Variants in TMOD2 observed in about 807,000 individuals in gnomAD.
TMOD2 encodes tropomodulin 2, also known as tropomodulin-2.
In TMOD2, 22 loss-of-function variants were observed where a neutral mutation model predicts 39.9. That is an observed-to-expected ratio of 0.55 (90% CI 0.39 to 0.79). The LOEUF (loss-of-function observed/expected upper bound fraction) is 0.79. Among genes scored for constraint, TMOD2 ranks in the 30% least tolerant of loss-of-function variants. TMOD2 has a pLI of 0.00. For missense variants in TMOD2, 386 were observed against 413.3 expected (o/e 0.93, Z 0.57); for synonymous variants, 123 against 146.1 (o/e 0.84, Z 1.14).
intron 7 of TMOD2, among the ~76,000 whole-genome samples, chr15:51,791,473 G>T (rs1595874635): frequency 6.6e-6 from 1 of 152,114 alleles, no homozygotes; most frequent in Non-Finnish European, 1.5e-5. Flanking sequence ...TCCAGCTACT[G>T]CTGACTTTCT....
chr15:51,795,275 A>G (rs1255480011), intron 7 of TMOD2, among the ~76,000 whole-genome samples: 1 of 151,972 alleles, frequency 6.6e-6, no homozygotes, highest in African/African-American at 2.4e-5. Context: ...ATATAAAAAA[A>G]ATTAGCCAGG....
At position 51,808,583 on chromosome 15, in the gene TMOD2, A is replaced by G; in HGVS notation, c.*129A>G. Reference sequence around the variant, plus strand: ...CGTTAACCACATAACTAATAATTTAATTGTTATTCTTTTTTAGCACTACTT... The same window carrying G: ...CGTTAACCACATAACTAATAATTTAGTTGTTATTCTTTTTTAGCACTACTT... On this transcript the variant is annotated 3_prime_UTR_variant, in exon 10 of 10. Transcript: ENST00000249700. 1 of 587,480 alleles carries G rather than the reference A, an allele frequency of 1.7e-6. No individual in the cohort carries two copies. Among genetic ancestry groups the G allele is most frequent in the Non-Finnish European group, 2.8e-6 (1 of 351,456 alleles). 36.4% of individuals were successfully genotyped at this position (587,480 alleles called of 1,614,324 possible). A position where few individuals can be genotyped will look rare whatever the true frequency, so the allele number is the denominator to read the frequency against.
intron 7 of TMOD2, among the ~76,000 whole-genome samples, chr15:51,789,933 C>T (rs566003580): frequency 3.3e-5 from 5 of 152,240 alleles, no homozygotes; most frequent in Non-Finnish European, 7.4e-5. Context: ...GACACCCTAA[C>T]ATCACAATTA....
intron 1 of TMOD2, among the ~76,000 whole-genome samples, chr15:51,762,502 C>T (rs956074943): frequency 5.9e-5 from 9 of 152,250 alleles, no homozygotes; most frequent in South Asian, 2.1e-4. Context: ...GAGCTGTTTT[C>T]GACTTCCACA....
At chr15:51,776,118 A>G (rs1271725797) in intron 4 of TMOD2, among the ~76,000 whole-genome samples, 3 of 152,114 alleles carry the variant, frequency 2.0e-5, no homozygotes, top group Admixed American at 6.5e-5. Context: ...AGCTCTGACC[A>G]TTTGCCCTTT....
rs2055895265 is a variant in TMOD2, at chr15:51,777,134, C to G, written c.493+116C>G. 3 of 858,106 alleles carry G rather than the reference C, an allele frequency of 3.5e-6. No homozygotes were observed. In the Admixed American group the frequency reaches 6.5e-5, roughly 19 times the overall value. 53.2% of individuals were successfully genotyped at this position (858,106 alleles called of 1,614,324 possible). ...ACACTCTGTCATTTTGCTAGGATCA[C>G]TTGGGCTTTGAGCAATCAAACCAGA... On this transcript the variant is annotated intron_variant, in intron 5 of 9. Coordinates refer to ENST00000249700, the MANE Select transcript of TMOD2 (RefSeq NM_014548.4).
chr15:51,755,917 C>G (rs2055738550), intron 1 of TMOD2, among the ~76,000 whole-genome samples: 2 of 151,750 alleles, frequency 1.3e-5, no homozygotes, highest in African/African-American at 4.8e-5. Flanking sequence ...AAGCAGGAAA[C>G]CCGGTGCCAA....
At chr15:51,775,563 CTTTTTCCTTTTTT>C (rs1267465957) in intron 4 of TMOD2, among the ~76,000 whole-genome samples, 4 of 96,524 alleles carry the variant, frequency 4.1e-5, no homozygotes, top group Non-Finnish European at 6.4e-5. Context: ...GTGACAAATT[CTTTTTCCTTTTTT>C]TTTTTTTTTT....
intron 3 of TMOD2, among the ~76,000 whole-genome samples, chr15:51,771,083 T>C (rs2055850750): frequency 6.6e-6 from 1 of 152,166 alleles, no homozygotes; most frequent in African/African-American, 2.4e-5. Context: ...AATCTCCAGA[T>C]GGTTGGTGGG....
intron 3 of TMOD2, among the ~76,000 whole-genome samples, chr15:51,769,473 C>G (rs2055838726): frequency 6.6e-6 from 1 of 152,180 alleles, no homozygotes; most frequent in Non-Finnish European, 1.5e-5. Context: ...CTGCCCTGCC[C>G]TCAAGGAGCT....
intron 7 of TMOD2, among the ~76,000 whole-genome samples, chr15:51,790,844 G>A (rs934396770): frequency 2.6e-5 from 4 of 152,122 alleles, no homozygotes; most frequent in East Asian, 1.9e-4. Context: ...AGGTATTGAC[G>A]GAACGTATCT....
At chr15:51,795,315 A>G (rs900886613) in intron 7 of TMOD2, among the ~76,000 whole-genome samples, 1 of 151,924 alleles carries the variant, frequency 6.6e-6, no homozygotes, top group African/African-American at 2.4e-5. Context: ...AGTCCCAGCA[A>G]CTTGGGAGGC....
chr15:51,786,103 T>C (rs2055968424), intron 7 of TMOD2, among the ~76,000 whole-genome samples: 1 of 152,158 alleles, frequency 6.6e-6, no homozygotes, highest in African/African-American at 2.4e-5. Context: ...TGCTACTGTT[T>C]TCTGAAGAGC....
chr15:51,803,852 A>G (rs2056105322), intron 8 of TMOD2, among the ~76,000 whole-genome samples: 1 of 152,254 alleles, frequency 6.6e-6, no homozygotes, highest in Admixed American at 6.5e-5. Flanking sequence ...ACCTGTAAGA[A>G]AATTCATTGT....
At chr15:51,790,716 A>G (rs964060964) in intron 7 of TMOD2, among the ~76,000 whole-genome samples, 9 of 152,220 alleles carry the variant, frequency 5.9e-5, no homozygotes, top group African/African-American at 2.2e-4. Flanking sequence ...AAATCAATAA[A>G]CATAATCCAT....
intron 1 of TMOD2, among the ~76,000 whole-genome samples, chr15:51,752,159 G>A (rs2055709412): frequency 6.6e-6 from 1 of 152,128 alleles, no homozygotes; most frequent in South Asian, 2.1e-4. Flanking sequence ...GATGGGGAGG[G>A]GTGGACTGGC....
intron 8 of TMOD2, among the ~76,000 whole-genome samples, chr15:51,799,113 G>A (rs901523008): frequency 3.3e-5 from 5 of 152,194 alleles, no homozygotes; most frequent in Admixed American, 2.6e-4. Context: ...AACTCTCAGT[G>A]ATCAGCCATG....
rs2056136102 is a variant in TMOD2 at position 51,808,568 on chromosome 15, A to G, written c.*114A>G. The G allele has an allele frequency of 3.0e-6, 2 of 667,914 alleles. No individual in the cohort carries two copies. Among genetic ancestry groups the G allele is most frequent in the African/African-American group, 3.7e-5 (2 of 54,120 alleles). The allele number at this position is 667,914 out of a possible 1,614,324, so 41.4% of individuals were successfully genotyped here. ...AAGTTCGTTCATTTCCGTTAACCAC[A>G]TAACTAATAATTTAATTGTTATTCT... On this transcript the variant is annotated 3_prime_UTR_variant, in exon 10 of 10. Coordinates refer to ENST00000249700, the MANE Select transcript of TMOD2 (RefSeq NM_014548.4).
rs963915593 is a variant in TMOD2 at position 51,813,622 on chromosome 15, T to C, written c.*5168T>C. The C allele has an allele frequency of 6.6e-5, 10 of 152,250 alleles. No homozygotes were observed. Among genetic ancestry groups the C allele is most frequent in the Admixed American group, 5.9e-4 (9 of 15,284 alleles). The allele number at this position is 152,250 out of a possible 1,614,324, so 9.4% of individuals were successfully genotyped here. On this transcript the variant is annotated 3_prime_UTR_variant, in exon 10 of 10. Coordinates refer to ENST00000249700, the MANE Select transcript of TMOD2 (RefSeq NM_014548.4). ...AATTGCCTGCCAATTATAGACTATA[T>C]AGGGGGAAGAGCACTGGATTTGGAG... is the stretch of plus-strand genomic sequence containing the variant.
Sources: allele counts gnomAD v4.1 joint callset (sites outside exome capture counted in the v4.1 genomes callset), GRCh38; gene constraint gnomAD v4.1.1; transcripts MANE v1.5; gene names NCBI Gene and HGNC (gene_info 2026-07-23, HGNC 2026-07-21).